The following ITSN1 variants were observed in gnomAD, a reference collection of about 807,000 sequenced individuals.
ITSN1 encodes intersectin-1.
In ITSN1, 58 loss-of-function variants were observed where a neutral mutation model predicts 239.8. That is an observed-to-expected ratio of 0.24 (90% CI 0.20 to 0.30). The LOEUF is 0.30. Ranked by LOEUF, ITSN1 falls within the 10% of genes least tolerant of loss-of-function variation. The probability of loss-of-function intolerance (pLI) is 1.00; values close to 1 mark genes in which losing one functional copy is unlikely to be tolerated. For missense variants in ITSN1, 1,558 were observed against 2,103.3 expected (o/e 0.74, Z 5.07); for synonymous variants, 780 against 770.8 (o/e 1.01, Z -0.20).
At chr21:33,649,381 G>A (rs376947193) in intron 1 of ITSN1, among the ~76,000 whole-genome samples, 2 of 152,288 alleles carry the variant, frequency 1.3e-5, no homozygotes, top group East Asian at 1.9e-4. Context: ...CCTAAAGTTC[G>A]TAGCTCTCTA....
At chr21:33,658,189 C>T (rs1601473028) in intron 1 of ITSN1, among the ~76,000 whole-genome samples, 1 of 152,044 alleles carries the variant, frequency 6.6e-6, no homozygotes. Flanking sequence ...ATTTACTATT[C>T]ATTAAGTGGA....
chr21:33,767,759 G>T lies in ITSN1; in HGVS notation c.973G>T (p.Val325Leu). 1 of 1,613,326 alleles carries T rather than the reference G, an allele frequency of 6.2e-7. No homozygotes were observed. The highest frequency in any genetic ancestry group is 8.5e-7 in the Non-Finnish European group (1 of 1,179,570). The change falls in exon 11 of 40, where the codon GTA (valine) becomes TTA (leucine). Residue 325 changes from valine (V) to leucine (L), a missense_variant. Val to Leu is a conservative substitution (Grantham distance 32). Around this residue, in one of 2 missense-constraint regions of ITSN1, gnomAD observed 982 missense variants for 1,209.9 expected, o/e 0.81. Coordinates refer to ENST00000381318, the MANE Select transcript of ITSN1 (RefSeq NM_003024.3). ...TATATCTGTCATAAGCTCAACATCT[G>T]TAGATCAGAGGCTACCAGAGGAACC... Reference protein sequence around the residue: ...SGISVISSTSVDQRLPEEPVL... With the variant: ...SGISVISSTSLDQRLPEEPVL...
intron 29 of ITSN1, among the ~76,000 whole-genome samples, chr21:33,839,647 C>CA (rs900379407): frequency 4.7e-4 from 71 of 152,308 alleles, no homozygotes; most frequent in African/African-American, 1.7e-3. Context: ...GGAAGGGATG[C>CA]AGTTGTCAAG....
intron 1 of ITSN1, among the ~76,000 whole-genome samples, chr21:33,653,348 G>A (rs544947248): frequency 1.4e-4 from 21 of 152,204 alleles, no homozygotes; most frequent in African/African-American, 3.9e-4. Flanking sequence ...TTGAGTACAC[G>A]CTGTATATGC....
intron 5 of ITSN1, among the ~76,000 whole-genome samples, chr21:33,740,931 A>C (rs570458489): frequency 2.0e-4 from 30 of 152,182 alleles, no homozygotes; most frequent in Non-Finnish European, 4.0e-4. Context: ...AGATAGATAG[A>C]TAGCTAATAA....
intron 1 of ITSN1, among the ~76,000 whole-genome samples, chr21:33,693,141 G>A (rs1035465537): frequency 7.2e-5 from 11 of 152,226 alleles, no homozygotes; most frequent in African/African-American, 2.4e-4. Context: ...GTAGGTGAAC[G>A]CTGTAAGCTT....
intron 34 of ITSN1, among the ~76,000 whole-genome samples, chr21:33,879,931 C>T (rs919666247): frequency 4.9e-4 from 74 of 152,366 alleles, no homozygotes; most frequent in African/African-American, 1.6e-3. Context: ...CTGCCCACCT[C>T]GGCCTCCCAA....
At chr21:33,881,966 A>G (rs899559667) in intron 34 of ITSN1, among the ~76,000 whole-genome samples, 2 of 151,598 alleles carry the variant, frequency 1.3e-5, no homozygotes, top group African/African-American at 4.8e-5. Flanking sequence ...AAAAAAAAGA[A>G]AAGAAAAAAC....
At chr21:33,743,797 A>T (rs1026012912) in intron 5 of ITSN1, among the ~76,000 whole-genome samples, 2 of 152,232 alleles carry the variant, frequency 1.3e-5, no homozygotes, top group African/African-American at 2.4e-5. Context: ...TTATGTTCAG[A>T]TTTTTCAACA....
At chr21:33,659,344 C>G (rs1198266305) in intron 1 of ITSN1, among the ~76,000 whole-genome samples, 4 of 152,076 alleles carry the variant, frequency 2.6e-5, no homozygotes. Flanking sequence ...TTTCCATGTT[C>G]GGTGAGTTGT....
At chr21:33,874,199 C>A (rs1387609707) in intron 33 of ITSN1, among the ~76,000 whole-genome samples, 2 of 150,924 alleles carry the variant, frequency 1.3e-5, no homozygotes, top group African/African-American at 4.9e-5. Context: ...ATAACCAACC[C>A]AAATCATGGG....
At chr21:33,869,672 G>A (rs1982372289) in intron 33 of ITSN1, among the ~76,000 whole-genome samples, 1 of 152,236 alleles carries the variant, frequency 6.6e-6, no homozygotes, top group Non-Finnish European at 1.5e-5. Context: ...GCCTATGTTT[G>A]TAAAACCACA....
Position 33,818,404 on chromosome 21 carries a change from A to G in ITSN1, c.2865A>G (p.Gln955=). The G allele has an allele frequency of 6.2e-7, 1 of 1,614,242 alleles. No individual in the cohort carries two copies. The highest frequency in any genetic ancestry group is 8.5e-7 in the Non-Finnish European group (1 of 1,180,044). Residue 955 remains glutamine (Q), a synonymous_variant, in exon 23 of 40, where the codon CAA becomes CAG. Transcript: ENST00000381318. ...QQDMWWFGEV[Q]GQKGWFPKSY... is the part of the protein sequence containing the mutation. The stretch of plus-strand genomic sequence containing the variant: ...ACATGTGGTGGTTTGGAGAAGTTCA[A>G]GGTCAGAAGGGTTGGTTCCCCAAGT...
Position 33,658,933 on chromosome 21 carries a change from T to C in ITSN1, c.-33+16220T>C, listed in dbSNP as rs375376187. Reference sequence around the variant, plus strand: ...ATTCATAATGAGTCCTTTTGGATCTTATCTGAGTTCATGCTAATGAACTGG... The same window carrying C: ...ATTCATAATGAGTCCTTTTGGATCTCATCTGAGTTCATGCTAATGAACTGG... On this transcript the variant is annotated intron_variant, in intron 1 of 39. Transcript: ENST00000381318. 2.6e-5 allele frequency among the ~76,000 whole-genome samples: 4 copies of C among 152,224 alleles called. No individual in the cohort carries two copies. The East Asian group carries it at 7.7e-4, about 29-fold the overall frequency.
intron 8 of ITSN1, among the ~76,000 whole-genome samples, chr21:33,760,115 A>AAAG (rs2068197228): frequency 5.3e-5 from 8 of 151,720 alleles, no homozygotes; most frequent in African/African-American, 1.5e-4. Context: ...CTCAAAAAAA[A>AAAG]AAAAGAAAAG....
chr21:33,738,027 A>G (rs1367200391), intron 5 of ITSN1, among the ~76,000 whole-genome samples: 2 of 152,076 alleles, frequency 1.3e-5, no homozygotes, highest in African/African-American at 4.8e-5. Context: ...TACAAAAAAT[A>G]CAAAAATTAG....
intron 33 of ITSN1, among the ~76,000 whole-genome samples, chr21:33,874,686 G>A (rs542798479): frequency 4.6e-4 from 63 of 137,246 alleles, no homozygotes; most frequent in Non-Finnish European, 1.1e-4. Flanking sequence ...GCCTCTCTCC[G>A]TTGCTGGGCT....
intron 1 of ITSN1, among the ~76,000 whole-genome samples, chr21:33,713,136 G>A (rs530594556): frequency 2.0e-5 from 3 of 152,146 alleles, no homozygotes; most frequent in East Asian, 1.9e-4. Flanking sequence ...CCTTGGCCTC[G>A]CAAAGTGCTG....
chr21:33,819,474 C>T (rs1438512937), intron 24 of ITSN1, 151 bp downstream of exon 24: 23 of 508,200 alleles, frequency 4.5e-5, no homozygotes, highest in Non-Finnish European at 7.7e-5. Context: ...TTTACAGAAT[C>T]GGAGTACTTC....
Sources: allele counts gnomAD v4.1 joint callset (sites outside exome capture counted in the v4.1 genomes callset), GRCh38; gene constraint gnomAD v4.1.1; regional missense constraint gnomAD v4.1.1; transcripts MANE v1.5; gene names NCBI Gene and HGNC (gene_info 2026-07-23, HGNC 2026-07-21).